The following MTOR variants were observed in gnomAD, a reference collection of about 807,000 sequenced individuals.
MTOR encodes the protein serine/threonine-protein kinase mTOR.
Under a neutral mutation model 319.8 loss-of-function variants are expected in MTOR, and 70 were observed. The observed-to-expected ratio is 0.22, with a 90% CI of 0.18 to 0.27. The LOEUF is 0.27. Ranked by LOEUF, MTOR falls within the 10% of genes least tolerant of loss-of-function variation. The pLI, the probability that MTOR is intolerant of heterozygous loss-of-function variation, is 1.00. For synonymous variants in MTOR, 1,183 were observed against 1,211.4 expected, an observed-to-expected ratio of 0.98 and a Z score of 0.49; for missense variants, 1,890 against 3,274.4, an observed-to-expected ratio of 0.58 and a Z score of 10.32.
chr1:11,204,835 T>C, intron 25 of MTOR, 132 bp from the exon 26 acceptor site: 1 of 1,047,970 alleles, frequency 9.5e-7, no homozygotes, highest in Non-Finnish European at 1.4e-6. Context: ...TCCCCTAGAG[T>C]ACAAATACAA....
At chr1:11,181,872 A>G (rs1645154896) in intron 28 of MTOR, among the ~76,000 whole-genome samples, 1 of 152,228 alleles carries the variant, frequency 6.6e-6, no homozygotes, top group African/African-American at 2.4e-5. Flanking sequence ...TAAGAGAAAC[A>G]TGTTCTTTGC....
intron 28 of MTOR, among the ~76,000 whole-genome samples, chr1:11,189,011 T>C (rs1422474636): frequency 1.3e-5 from 2 of 152,214 alleles, no homozygotes; most frequent in Non-Finnish European, 2.9e-5. Context: ...GCTCACCCCA[T>C]GGTTATATAA....
chr1:11,167,577 G>T, intron 28 of MTOR, 60 bp from the exon 29 acceptor site: 1 of 1,384,894 alleles, frequency 7.2e-7, no homozygotes, highest in Non-Finnish European at 1.0e-6. Flanking sequence ...GGAGATGTGG[G>T]GGTCATTTGT....
chr1:11,115,774 C>T lies in MTOR; in HGVS notation c.7017-306G>A. 1 of 311,574 alleles carries T rather than the reference C, an allele frequency of 3.2e-6. No individual in the cohort carries two copies. Among genetic ancestry groups the T allele is most frequent in the African/African-American group, 2.1e-5 (1 of 47,744 alleles). The allele number at this position is 311,574 out of a possible 1,614,324, so 19.3% of individuals were successfully genotyped here. A position where few individuals can be genotyped will look rare whatever the true frequency, so the allele number is the denominator to read the frequency against. The stretch of plus-strand genomic sequence containing the variant: ...CCTTTACAGAAACAGTTTGCCAACT[C>T]CTGCTGAAATGTGGGCTTATGTGTG... On this transcript the variant is annotated intron_variant, in intron 50 of 57. Coordinates refer to ENST00000361445, the MANE Select transcript of MTOR (RefSeq NM_004958.4). This position sits in a 1 kb window ranked among gnomAD's most constrained non-coding sequence, Gnocchi z 4.5.
intron 29 of MTOR, among the ~76,000 whole-genome samples, chr1:11,158,000 A>C (rs1322813182): frequency 6.6e-6 from 1 of 152,142 alleles, no homozygotes; most frequent in Non-Finnish European, 1.5e-5. Context: ...GGATTGCATT[A>C]CCCTAGCAGA....
intron 25 of MTOR, among the ~76,000 whole-genome samples, chr1:11,208,569 C>T (rs1388935773): frequency 6.6e-6 from 1 of 152,240 alleles, no homozygotes; most frequent in Non-Finnish European, 1.5e-5. Context: ...CTGGAAGTTG[C>T]TTACAGTCAC....
rs1383835018 is a variant in MTOR at position 11,241,558 on chromosome 1, T to A, written c.1536A>T (p.Gly512=). 5 of 1,612,192 alleles carry A rather than the reference T, an allele frequency of 3.1e-6. No homozygotes were observed. The highest frequency in any genetic ancestry group is 4.2e-6 in the Non-Finnish European group (5 of 1,178,884). Residue 512 remains glycine (G), a synonymous_variant, in exon 10 of 58, where the codon GGA becomes GGT. Coordinates refer to ENST00000361445, the MANE Select transcript of MTOR (RefSeq NM_004958.4). ...KELLEPMLAV[G]LSPALTAVLY... ...CTCAGGTTTCTGACACCCACCTTAGTCCCACTGCCAGCATGGGCTCCAGCA... is the reference window on the plus strand; with the variant it reads ...CTCAGGTTTCTGACACCCACCTTAGACCCACTGCCAGCATGGGCTCCAGCA...
At chr1:11,189,605 T>G in intron 28 of MTOR, 2 of 1,612,566 alleles carry the variant, frequency 1.2e-6, no homozygotes, top group Non-Finnish European at 1.7e-6. Flanking sequence ...CTCTCAGCTG[T>G]GACCTGGCTC....
intron 28 of MTOR, chr1:11,189,404 A>C: frequency 1.3e-6 from 1 of 784,964 alleles, no homozygotes; most frequent in Non-Finnish European, 2.0e-6. Flanking sequence ...CCTGTCAGAG[A>C]CTCAAGCTTT....
chr1:11,145,354 C>A, intron 32 of MTOR: 1 of 366,554 alleles, frequency 2.7e-6, no homozygotes, highest in Non-Finnish European at 5.0e-6. Context: ...TCTTGCATCT[C>A]AAGAGGACAT....
In MTOR at chr1:11,258,589, C is replaced by A; in HGVS notation, c.167G>T (p.Ser56Ile). The change falls in exon 3 of 58, where the codon AGT becomes ATT. Residue 56 changes from serine (S) to isoleucine (I), a missense_variant. Ser to Ile is a moderately radical substitution (Grantham distance 142). Around this residue, in one of 15 missense-constraint regions of MTOR, gnomAD observed 85 missense variants for 105.8 expected, o/e 0.80. Coordinates refer to ENST00000361445, the MANE Select transcript of MTOR (RefSeq NM_004958.4). Reference protein sequence around the residue: ...HYVTMELREMSQEESTRFYDQ... With the variant: ...HYVTMELREMIQEESTRFYDQ... The stretch of plus-strand genomic sequence containing the variant: ...ATAGAAGCGAGTAGACTCCTCTTGA[C>A]TCATCTGCAAAAGAAGATATAATCA... 6.2e-7 allele frequency: 1 copy of A among 1,610,006 alleles called. No individual in the cohort carries two copies. Among genetic ancestry groups the A allele is most frequent in the Non-Finnish European group, 8.5e-7 (1 of 1,176,992 alleles).
At chr1:11,261,541 C>T (rs1277123807) in intron 1 of MTOR, among the ~76,000 whole-genome samples, 3 of 152,112 alleles carry the variant, frequency 2.0e-5, no homozygotes, top group Admixed American at 6.6e-5. Context: ...CCCACACTGC[C>T]ATGGGTGTAA....
At chr1:11,241,499 C>T in intron 10 of MTOR, 54 bp downstream of exon 10, 1 of 1,560,250 alleles carries the variant, frequency 6.4e-7, no homozygotes, top group South Asian at 1.2e-5. Flanking sequence ...AGTCCCAACA[C>T]TGGGGGCCAA....
chr1:11,115,338 G>A lies in MTOR; in HGVS notation c.7089+58C>T, dbSNP rs1239486164. On this transcript the variant is annotated intron_variant, in intron 51 of 57. Transcript: ENST00000361445. The surrounding 1 kb of genome is among the most constrained non-coding windows in gnomAD (Gnocchi z 4.5). ...CTTAAGTCTGCCTACAGTGTCAGAG[G>A]AGGGGGAAAAGTGATCACCCGGGAA... 7.8e-6 allele frequency: 12 copies of A among 1,541,196 alleles called. No homozygotes were observed. In the African/African-American group the frequency reaches 8.2e-5, roughly 11 times the overall value.
At chr1:11,249,118 G>A (rs965419885) in intron 6 of MTOR, among the ~76,000 whole-genome samples, 2 of 152,096 alleles carry the variant, frequency 1.3e-5, no homozygotes, top group Non-Finnish European at 2.9e-5. Flanking sequence ...CAGCTACTCG[G>A]GAGGCTGAGG....
At chr1:11,152,608 G>A (rs1178548041) in intron 30 of MTOR, among the ~76,000 whole-genome samples, 4 of 151,984 alleles carry the variant, frequency 2.6e-5, no homozygotes, top group Non-Finnish European at 4.4e-5. Context: ...TGCACCATAG[G>A]GCTGGGCAGG....
intron 28 of MTOR, among the ~76,000 whole-genome samples, chr1:11,196,849 TA>T (rs78265735): frequency 3.2e-3 from 434 of 133,606 alleles, no homozygotes; most frequent in South Asian, 6.8e-3. Context: ...CGACTCCATC[TA>T]AAAAAAAAAA....
At chr1:11,226,918 C>A (rs1428692215) in intron 19 of MTOR, among the ~76,000 whole-genome samples, 2 of 136,864 alleles carry the variant, frequency 1.5e-5, no homozygotes, top group East Asian at 2.3e-4. Context: ...TTCTTCCCCC[C>A]ACCCCCGCCC....
In MTOR at chr1:11,130,526, T is replaced by A. The variant is rs776382199; in HGVS notation, c.5613+3A>T. On this transcript the variant is annotated splice_donor_region_variant and intron_variant, in intron 39 of 57. Transcript: ENST00000361445. ...TTGTTAATAAGGAAGAAGGGAAGGG[T>A]ACCTCAGTGACCTTCTTCTGCAGCG... The A allele has an allele frequency of 3.7e-6, 6 of 1,611,950 alleles. No homozygotes were observed. Among genetic ancestry groups the A allele is most frequent in the Non-Finnish European group, 5.1e-6 (6 of 1,178,902 alleles).
Sources: gnomAD v4.1 joint callset for allele counts (sites outside exome capture counted in the v4.1 genomes callset) on GRCh38, gnomAD v4.1.1 for gene constraint, gnomAD v4.1.1 regional missense constraint, Gnocchi (gnomAD v3.1) non-coding constraint, MANE v1.5 for transcripts, NCBI Gene and HGNC (gene_info 2026-07-23, HGNC 2026-07-21) for gene names.